Variants in KPNA7 observed in about 807,000 individuals in gnomAD.
The protein encoded by KPNA7 is importin subunit alpha-8.
A neutral mutation model predicts 53.7 loss-of-function variants in KPNA7; 54 were observed. The ratio of observed to expected loss-of-function variants is 1.01; its 90% confidence interval spans 0.81 to 1.26. The LOEUF (loss-of-function observed/expected upper bound fraction) is 1.26. Among genes scored for constraint, KPNA7 ranks in the 50% most tolerant of loss-of-function variants. The probability of loss-of-function intolerance (pLI) is 0.00; values close to 1 mark genes in which losing one functional copy is unlikely to be tolerated. For missense variants in KPNA7, 640 were observed against 644.5 expected (o/e 0.99, Z 0.07); for synonymous variants, 276 against 259.3 (o/e 1.06, Z -0.62).
intron 9 of KPNA7, 54 bp from the exon 10 acceptor site, chr7:99,178,120 A>T: frequency 6.6e-7 from 1 of 1,513,754 alleles, no homozygotes; most frequent in Non-Finnish European, 8.9e-7. Flanking sequence ...TTTGGGGGAT[A>T]GGGACTCTGT....
At chr7:99,186,171 A>T (rs928113529) in intron 7 of KPNA7, among the ~76,000 whole-genome samples, 1 of 152,184 alleles carries the variant, frequency 6.6e-6, no homozygotes, top group Non-Finnish European at 1.5e-5. Context: ...GGAGATAATG[A>T]GATCTCAATG....
intron 1 of KPNA7, among the ~76,000 whole-genome samples, chr7:99,215,757 G>C (rs1791203216): frequency 6.6e-6 from 1 of 151,994 alleles, no homozygotes; most frequent in Non-Finnish European, 1.5e-5. Flanking sequence ...AGGATTATTT[G>C]AGACCAGGAG....
intron 9 of KPNA7, among the ~76,000 whole-genome samples, chr7:99,181,061 G>GTCTCTCTCTCTCTGTGTCTC (rs71537228): frequency 2.3e-4 from 1 of 4,322 alleles, no homozygotes; most frequent in Admixed American, 1.8e-3. Context: ...CTCCGTCTGT[G>GTCTCTCTCTCTCTGTGTCTC]TCTCTCTCTC....
At chr7:99,151,231 G>T in the KPNA7 span, among the ~76,000 whole-genome samples, 1 of 152,070 alleles carries the variant, frequency 6.6e-6, no homozygotes, top group South Asian at 2.1e-4. Flanking sequence ...GTGTCTGTCT[G>T]TTTAGCCTGC....
rs1235970129 is a variant in KPNA7, at chr7:99,207,397, T to A, written c.66+4A>T. On this transcript the variant is annotated splice_donor_region_variant and intron_variant, in intron 2 of 10. Transcript: ENST00000327442. The stretch of plus-strand genomic sequence containing the variant: ...ATAGAAGCAGGTGGGTGCTTCATAC[T>A]CACAGACACATCTTTGCCTCGGTAC... The A allele has an allele frequency of 4.5e-6, 7 of 1,551,256 alleles. No homozygotes were observed. The Admixed American group carries it at 1.4e-4, about 30-fold the overall frequency.
intron 10 of KPNA7, among the ~76,000 whole-genome samples, chr7:99,177,422 A>T (rs1480344016): frequency 6.7e-6 from 1 of 150,270 alleles, no homozygotes; most frequent in Non-Finnish European, 1.5e-5. Context: ...GTCTCTACTA[A>T]AGATTAGCTG....
chr7:99,202,751 A>T (rs1227155643), intron 3 of KPNA7, among the ~76,000 whole-genome samples: 1 of 152,158 alleles, frequency 6.6e-6, no homozygotes, highest in African/African-American at 2.4e-5. Context: ...AAGCTGAGGC[A>T]GGAGGTTCGC....
the KPNA7 span, among the ~76,000 whole-genome samples, chr7:99,163,384 T>TATATATATATATATA: frequency 7.6e-4 from 32 of 42,196 alleles, no homozygotes; most frequent in East Asian, 1.3e-3. Context: ...TATATATATA[T>TATATATATATATATA]TTTTTTTTTT....
At chr7:99,165,436 C>A in the KPNA7 span, among the ~76,000 whole-genome samples, 3 of 152,122 alleles carry the variant, frequency 2.0e-5, no homozygotes, top group African/African-American at 7.2e-5. Context: ...TGGCACAGCC[C>A]CTCGAGGAGC....
At chr7:99,145,839 C>A in the KPNA7 span, among the ~76,000 whole-genome samples, 718 of 152,258 alleles carry the variant, frequency 4.7e-3, 4 homozygotes, top group African/African-American at 0.017. Flanking sequence ...CAGAGTCTCT[C>A]CTGGGCAGGA....
the KPNA7 span, among the ~76,000 whole-genome samples, chr7:99,150,855 C>T: frequency 4.6e-5 from 7 of 152,166 alleles, no homozygotes; most frequent in African/African-American, 1.7e-4. Flanking sequence ...AATCATTGCC[C>T]TATGCATCTG....
At chr7:99,155,773 C>T in the KPNA7 span, among the ~76,000 whole-genome samples, 1 of 151,962 alleles carries the variant, frequency 6.6e-6, no homozygotes. Flanking sequence ...TCATATTGCC[C>T]AGGCTGGTCT....
chr7:99,216,352 G>A (rs1341440136), intron 1 of KPNA7, among the ~76,000 whole-genome samples: 1 of 152,044 alleles, frequency 6.6e-6, no homozygotes, highest in Non-Finnish European at 1.5e-5. Context: ...TTGTTCATTG[G>A]TTCTTCAAGT....
rs922968353 is a variant in KPNA7 at position 99,206,575 on chromosome 7, C to T, written c.66+826G>A. ...CCTTGAACTCCTGGGCTCAAGCAAT[C>T]CTCCTGCCTCAGCCACCAGAGTATC... On this transcript the variant is annotated intron_variant, in intron 2 of 10. Coordinates refer to ENST00000327442, the MANE Select transcript of KPNA7 (RefSeq NM_001145715.3). Among the ~76,000 whole-genome samples, 3 of 152,096 alleles carry T rather than the reference C, an allele frequency of 2.0e-5. No homozygotes were observed. The South Asian group carries it at 6.2e-4, about 32-fold the overall frequency.
chr7:99,205,565 G>T (rs368605402), intron 2 of KPNA7, among the ~76,000 whole-genome samples: 1 of 151,324 alleles, frequency 6.6e-6, no homozygotes, highest in Non-Finnish European at 1.5e-5. Flanking sequence ...TACAGAGATG[G>T]GGGGCTGGGA....
Position 99,193,058 on chromosome 7 carries a change from G to T in KPNA7, c.597C>A (p.Ala199=). 6.6e-7 allele frequency: 1 copy of T among 1,511,858 alleles called. No individual in the cohort carries two copies. The highest frequency in any genetic ancestry group is 8.8e-7 in the Non-Finnish European group (1 of 1,132,030). The allele number at this position is 1,511,858 out of a possible 1,614,324, so 93.7% of individuals were successfully genotyped here. A position where few individuals can be genotyped will look rare whatever the true frequency, so the allele number is the denominator to read the frequency against. ...EFRDNVITSN[A]IPHLLALISP... is the part of the protein sequence containing the mutation. ...AAATCAAGGCTAGGAGATGTGGGAT[G>T]GCATTGCTTGTGATGACGTTATCTC... The change falls in exon 6 of 11, where the codon GCC becomes GCA. Residue 199 remains alanine, a synonymous_variant. Transcript: ENST00000327442.
the KPNA7 span, among the ~76,000 whole-genome samples, chr7:99,151,214 C>T: frequency 6.6e-5 from 10 of 152,070 alleles, no homozygotes; most frequent in African/African-American, 9.7e-5. Flanking sequence ...TAGCCAACAC[C>T]GTCTGTGTGT....
chr7:99,171,546 A>G (rs1269700570), downstream of KPNA7, among the ~76,000 whole-genome samples: 1 of 152,168 alleles, frequency 6.6e-6, no homozygotes, highest in African/African-American at 2.4e-5. Flanking sequence ...GGCTCAAGCA[A>G]TCCTCTCGCC....
the KPNA7 span, among the ~76,000 whole-genome samples, chr7:99,160,084 G>A: frequency 7.2e-6 from 1 of 139,506 alleles, no homozygotes; most frequent in Non-Finnish European, 1.5e-5. Context: ...GAGTGCAGTG[G>A]TACGATCCTG....
Sources: gnomAD v4.1 joint callset for allele counts (sites outside exome capture counted in the v4.1 genomes callset) on GRCh38, gnomAD v4.1.1 for gene constraint, MANE v1.5 for transcripts, NCBI Gene and HGNC (gene_info 2026-07-23, HGNC 2026-07-21) for gene names.